Variants in DUSP3 observed in about 807,000 individuals in gnomAD.
The protein encoded by DUSP3 is dual specificity protein phosphatase 3.
DUSP3 carries 7 observed loss-of-function variants against 15.5 expected under a neutral mutation model. The ratio of observed to expected loss-of-function variants is 0.45; its 90% confidence interval spans 0.26 to 0.85. The LOEUF (loss-of-function observed/expected upper bound fraction) is 0.85, where lower values mean the gene tolerates loss of function less well. Ranked by LOEUF, DUSP3 falls within the 40% of genes least tolerant of loss-of-function variation. The probability of loss-of-function intolerance (pLI) is 0.18; values close to 1 mark genes in which losing one functional copy is unlikely to be tolerated. For missense variants in DUSP3, 209 were observed against 251.7 expected (o/e 0.83, Z 1.15); for synonymous variants, 86 against 104.2 (o/e 0.83, Z 1.07).
chr17:43,769,609 C>G lies in DUSP3; in HGVS notation c.558G>C (p.Ter186TyrextTer76). The change falls in exon 3 of 3, where the codon TAG becomes TAC. Residue 186 changes from the stop codon to tyrosine (Y), a stop_lost. Coordinates refer to ENST00000226004, the MANE Select transcript of DUSP3 (RefSeq NM_004090.4). ...RLAKEGKLKP* is the reference protein window; with the variant it reads ...RLAKEGKLKPY ...CTCGAGCAGAGGTGGTGGGGGTGCC[C>G]TAGGGTTTCAACTTCCCCTCCTTGG... 6.2e-7 allele frequency: 1 copy of G among 1,611,118 alleles called. No homozygotes were observed. Among genetic ancestry groups the G allele is most frequent in the Non-Finnish European group, 8.5e-7 (1 of 1,179,536 alleles).
intron 2 of DUSP3, among the ~76,000 whole-genome samples, chr17:43,771,470 C>A (rs1410107177): frequency 6.6e-6 from 1 of 152,124 alleles, no homozygotes; most frequent in Non-Finnish European, 1.5e-5. Flanking sequence ...TCCACCTAAC[C>A]TCAAGGTGCC....
intron 1 of DUSP3, among the ~76,000 whole-genome samples, chr17:43,775,980 A>G (rs1249839989): frequency 6.6e-6 from 1 of 152,140 alleles, no homozygotes; most frequent in East Asian, 1.9e-4. Context: ...GTGTGGTGGT[A>G]CATGCCTGTA....
In DUSP3 at chr17:43,774,854, G is replaced by A. The variant is rs774894685; in HGVS notation, c.210C>T (p.His70=). 27 of 1,614,068 alleles carry A rather than the reference G, an allele frequency of 1.7e-5. No individual in the cohort carries two copies. The highest frequency in any genetic ancestry group is 4.5e-5 in the East Asian group (2 of 44,898). ...TGTAGAAGTTGGCATTGGTGTTGAC[G>A]TGCATGAAGGACCTGCCCTCAGCCG... ...LNAAEGRSFM[H]VNTNANFYKD... Residue 70 remains histidine (H), a synonymous_variant, in exon 2 of 3, where the codon CAC becomes CAT. Transcript: ENST00000226004.
intron 2 of DUSP3, among the ~76,000 whole-genome samples, chr17:43,772,334 C>A (rs1974330510): frequency 6.6e-6 from 1 of 152,318 alleles, no homozygotes; most frequent in South Asian, 2.1e-4. Flanking sequence ...GGGGCTTCCC[C>A]TGCCCCACCC....
intron 2 of DUSP3, among the ~76,000 whole-genome samples, chr17:43,770,597 C>T (rs1022743735): frequency 6.7e-6 from 1 of 149,538 alleles, no homozygotes; most frequent in South Asian, 2.2e-4. Context: ...GCAGAGGTTG[C>T]GGTGAGGTGA....
rs967955254 is a variant in DUSP3, at chr17:43,766,927, C to T, written c.*2682G>A. The stretch of plus-strand genomic sequence containing the variant: ...ACCCTGAGTTCCTGTTCCATCACTT[C>T]CCAGGCAGTAGAAGGCTGTCCAGGA... On this transcript the variant is annotated 3_prime_UTR_variant, in exon 3 of 3. Coordinates refer to ENST00000226004, the MANE Select transcript of DUSP3 (RefSeq NM_004090.4). 6 of 152,198 alleles carry T rather than the reference C, an allele frequency of 3.9e-5. No individual in the cohort carries two copies. The highest frequency in any genetic ancestry group is 7.3e-5 in the Non-Finnish European group (5 of 68,042). The allele number at this position is 152,198 out of a possible 1,614,324, so 9.4% of individuals were successfully genotyped here. A position where few individuals can be genotyped will look rare whatever the true frequency, so the allele number is the denominator to read the frequency against.
rs1281227907 is a variant in DUSP3 at position 43,769,132 on chromosome 17, GA to G, written c.*476del. ...TGCACAGGGTGTGGAAGGCTGTGGG[GA>G]CAGTGCAGGGCACAGACGTGGTGGG... is the stretch of plus-strand genomic sequence containing the variant. On this transcript the variant is annotated 3_prime_UTR_variant, in exon 3 of 3. Transcript: ENST00000226004. The G allele has an allele frequency of 2.5e-5, 4 of 157,706 alleles. No individual in the cohort carries two copies. Among genetic ancestry groups the G allele is most frequent in the African/African-American group, 9.6e-5 (4 of 41,524 alleles). 9.8% of individuals were successfully genotyped at this position (157,706 alleles called of 1,614,324 possible).
Position 43,768,624 on chromosome 17 carries a change from A to T in DUSP3, c.*985T>A, listed in dbSNP as rs770367474. The T allele has an allele frequency of 6.6e-6, 1 of 152,196 alleles. No individual in the cohort carries two copies. The highest frequency in any genetic ancestry group is 1.5e-5 in the Non-Finnish European group (1 of 68,060). 9.4% of individuals were successfully genotyped at this position (152,196 alleles called of 1,614,324 possible). A position where few individuals can be genotyped will look rare whatever the true frequency, so the allele number is the denominator to read the frequency against. On this transcript the variant is annotated 3_prime_UTR_variant, in exon 3 of 3. Coordinates refer to ENST00000226004, the MANE Select transcript of DUSP3 (RefSeq NM_004090.4). ...GCACGCCCCCCACACACATCCATGCACACACGCTGTAATTGGCCAACTTCC... is the reference window on the plus strand; with the variant it reads ...GCACGCCCCCCACACACATCCATGCTCACACGCTGTAATTGGCCAACTTCC...
At chr17:43,772,727 G>A (rs1974334434) in intron 2 of DUSP3, among the ~76,000 whole-genome samples, 1 of 152,162 alleles carries the variant, frequency 6.6e-6, no homozygotes, top group South Asian at 2.1e-4. Context: ...GCTACATCAG[G>A]TGCTAAGGAG....
At chr17:43,770,526 G>A (rs970542727) in intron 2 of DUSP3, among the ~76,000 whole-genome samples, 7 of 151,912 alleles carry the variant, frequency 4.6e-5, no homozygotes, top group Admixed American at 1.3e-4. Context: ...GTGTGGTGGC[G>A]CGAGCCTATA....
At chr17:43,771,187 T>A (rs1409058640) in intron 2 of DUSP3, among the ~76,000 whole-genome samples, 1 of 151,976 alleles carries the variant, frequency 6.6e-6, no homozygotes, top group Non-Finnish European at 1.5e-5. Context: ...CATCCTCCCC[T>A]ATACTTTAAA....
At chr17:43,769,940 G>T in intron 2 of DUSP3, 126 bp from the exon 3 acceptor site, 1 of 1,064,376 alleles carries the variant, frequency 9.4e-7, no homozygotes, top group Non-Finnish European at 1.4e-6. Context: ...TGTCAGAATG[G>T]CTAAAATGAA....
In DUSP3 at chr17:43,766,482, T is replaced by A. The variant is rs1974243012; in HGVS notation, c.*3127A>T. The A allele has an allele frequency of 6.6e-6, 1 of 151,826 alleles. No homozygotes were observed. The highest frequency in any genetic ancestry group is 1.5e-5 in the Non-Finnish European group (1 of 67,930). 9.4% of individuals were successfully genotyped at this position (151,826 alleles called of 1,614,324 possible). ...TGCGAGAAAAGCTCATGTCTTCATA[T>A]TGAAGATCAGTACTTTTTTTTTTTT... On this transcript the variant is annotated 3_prime_UTR_variant, in exon 3 of 3. Coordinates refer to ENST00000226004, the MANE Select transcript of DUSP3 (RefSeq NM_004090.4).
At position 43,769,400 on chromosome 17, in the gene DUSP3, G is replaced by A. The variant is rs1974282108; in HGVS notation, c.*209C>T. ...CATAAGTTACAGAAACAGGACAACT[G>A]GGGAGCAAGGACGCCCCCCTTGGCA... is the stretch of plus-strand genomic sequence containing the variant. On this transcript the variant is annotated 3_prime_UTR_variant, in exon 3 of 3. Coordinates refer to ENST00000226004, the MANE Select transcript of DUSP3 (RefSeq NM_004090.4). 3.5e-6 allele frequency: 2 copies of A among 566,588 alleles called. No individual in the cohort carries two copies. Among genetic ancestry groups the A allele is most frequent in the South Asian group, 2.4e-5 (1 of 41,742 alleles). The allele number at this position is 566,588 out of a possible 1,614,324, so 35.1% of individuals were successfully genotyped here.
At chr17:43,771,016 GTGTGTATGTGTGTGTA>G (rs1277706609) in intron 2 of DUSP3, among the ~76,000 whole-genome samples, 31 of 102,488 alleles carry the variant, frequency 3.0e-4, no homozygotes, top group African/African-American at 9.6e-4. Context: ...GTGTGTGTGT[GTGTGTATGTGTGTGTA>G]TATATATATA....
intron 1 of DUSP3, 118 bp downstream of exon 1, chr17:43,778,682 G>T: frequency 7.7e-7 from 1 of 1,299,700 alleles, no homozygotes; most frequent in Non-Finnish European, 9.9e-7. Flanking sequence ...GTGGCTCCCG[G>T]AGGGGCCATC....
rs1974241489 is a variant in DUSP3, at chr17:43,766,306, C to T, written c.*3303G>A. The T allele has an allele frequency of 6.6e-6, 1 of 152,178 alleles. No homozygotes were observed. Among genetic ancestry groups the T allele is most frequent in the Non-Finnish European group, 1.5e-5 (1 of 68,032 alleles). 9.4% of individuals were successfully genotyped at this position (152,178 alleles called of 1,614,324 possible). On this transcript the variant is annotated 3_prime_UTR_variant, in exon 3 of 3. Coordinates refer to ENST00000226004, the MANE Select transcript of DUSP3 (RefSeq NM_004090.4). ...CCTAAAATTTGGTGGCGTTAAGAGG[C>T]AACAAAAGTTAAGCTTCCAACGAAT...
intron 1 of DUSP3, 102 bp from the exon 2 acceptor site, chr17:43,775,040 C>T: frequency 8.3e-7 from 1 of 1,199,618 alleles, no homozygotes; most frequent in South Asian, 1.2e-5. Flanking sequence ...GCAAGGAAAC[C>T]CTCCATGCTC....
chr17:43,769,813 G>C lies in DUSP3; in HGVS notation c.354C>G (p.Gly118=), dbSNP rs1457787526. The part of the protein sequence containing the change: ...FIDQALAQKN[G]RVLVHCREGY... ...CTTCCCGGCAGTGGACGAGCACCCG[G>C]CCTGTAAGAAACAGGGGAGACGTGG... is the stretch of plus-strand genomic sequence containing the variant. The change falls in exon 3 of 3, where the codon GGC becomes GGG. Residue 118 remains glycine (G), a splice_region_variant and synonymous_variant. Transcript: ENST00000226004. 1.2e-6 allele frequency: 2 copies of C among 1,614,096 alleles called. No individual in the cohort carries two copies. Among genetic ancestry groups the C allele is most frequent in the Non-Finnish European group, 8.5e-7 (1 of 1,180,018 alleles).
Sources: gnomAD v4.1 joint callset for allele counts (sites outside exome capture counted in the v4.1 genomes callset) on GRCh38, gnomAD v4.1.1 for gene constraint, MANE v1.5 for transcripts, NCBI Gene and HGNC (gene_info 2026-07-23, HGNC 2026-07-21) for gene names.